Variants in IL1RAPL2 observed in about 807,000 individuals in gnomAD.
IL1RAPL2 encodes the protein X-linked interleukin-1 receptor accessory protein-like 2.
A neutral mutation model predicts 44.1 loss-of-function variants in IL1RAPL2; 3 were observed. The ratio of observed to expected loss-of-function variants is 0.07; its 90% CI spans 0.03 to 0.18. IL1RAPL2 has a LOEUF of 0.18. Among genes scored for constraint, IL1RAPL2 ranks in the 10% least tolerant of loss-of-function variants. The pLI is 1.00. For synonymous variants in IL1RAPL2, 181 were observed against 178.8 expected (o/e 1.01, Z -0.10); for missense variants, 391 against 496.4 (o/e 0.79, Z 2.02).
At chrX:105,322,575 A>G (rs1410491302) in intron 5 of IL1RAPL2, among the ~76,000 whole-genome samples, 1 of 111,840 alleles carries the variant, frequency 8.9e-6, no homozygotes, top group African/African-American at 3.3e-5. Context: ...GGATGCTCTC[A>G]TGTCCCAGTT....
intron 6 of IL1RAPL2, among the ~76,000 whole-genome samples, chrX:105,616,573 A>G (rs1429731513): frequency 3.6e-5 from 4 of 111,183 alleles, no homozygotes; most frequent in Admixed American, 1.9e-4. Context: ...AGGCATCCCT[A>G]TATCTTCTTT....
chrX:105,507,173 G>A (rs2036436453), intron 6 of IL1RAPL2, among the ~76,000 whole-genome samples: 1 of 111,484 alleles, frequency 9.0e-6, no homozygotes, highest in South Asian at 3.7e-4. Flanking sequence ...TTCATGTTGT[G>A]CCATTTTATG....
intron 2 of IL1RAPL2, among the ~76,000 whole-genome samples, chrX:104,948,596 A>G (rs1304333013): frequency 5.4e-5 from 6 of 110,671 alleles, no homozygotes; most frequent in Admixed American, 1.9e-4. Flanking sequence ...CGTCCCATCA[A>G]TACCTAATTT....
intron 2 of IL1RAPL2, among the ~76,000 whole-genome samples, chrX:105,096,225 T>C (rs772661041): frequency 8.9e-6 from 1 of 111,896 alleles, no homozygotes; most frequent in African/African-American, 3.2e-5. Flanking sequence ...CCCTCATGCA[T>C]TGCTGATGGG....
At chrX:105,436,110 C>A (rs2035880728) in intron 5 of IL1RAPL2, among the ~76,000 whole-genome samples, 1 of 111,373 alleles carries the variant, frequency 9.0e-6, no homozygotes, top group Non-Finnish European at 1.9e-5. Flanking sequence ...ATGGATGAAT[C>A]TCAAATGCAC....
chrX:104,826,841 A>G (rs1921462940), intron 2 of IL1RAPL2, among the ~76,000 whole-genome samples: 1 of 106,762 alleles, frequency 9.4e-6, no homozygotes, highest in African/African-American at 3.5e-5. Context: ...TTCTTGTTGC[A>G]TTGATCCCTT....
intron 1 of IL1RAPL2, among the ~76,000 whole-genome samples, chrX:104,626,962 G>A (rs1929519312): frequency 9.2e-6 from 1 of 108,958 alleles, no homozygotes; most frequent in South Asian, 4.2e-4. Flanking sequence ...GAGACTACAG[G>A]CACGCACCAA....
intron 2 of IL1RAPL2, among the ~76,000 whole-genome samples, chrX:104,918,592 C>T (rs1001582276): frequency 5.4e-5 from 6 of 112,141 alleles, no homozygotes; most frequent in Non-Finnish European, 9.4e-5. Context: ...AACCTATGGT[C>T]TTAACTTCTG....
intron 2 of IL1RAPL2, among the ~76,000 whole-genome samples, chrX:105,061,095 G>A (rs1332538525): frequency 9.0e-6 from 1 of 110,560 alleles, no homozygotes; most frequent in Non-Finnish European, 1.9e-5. Flanking sequence ...GGCTTGGTTT[G>A]CTCTTGCTTT....
intron 2 of IL1RAPL2, among the ~76,000 whole-genome samples, chrX:105,168,796 A>G (rs1288278611): frequency 9.1e-6 from 1 of 109,453 alleles, no homozygotes; most frequent in Non-Finnish European, 1.9e-5. Context: ...GCTCACCCAC[A>G]GTGGGGAGGT....
At chrX:104,986,863 G>C (rs2030570643) in intron 2 of IL1RAPL2, among the ~76,000 whole-genome samples, 1 of 111,966 alleles carries the variant, frequency 8.9e-6, no homozygotes, top group African/African-American at 3.2e-5. Flanking sequence ...TTTAAGTCCT[G>C]TCCTGATTTC....
chrX:104,871,053 TAAAGAA>T (rs998208858), intron 2 of IL1RAPL2, among the ~76,000 whole-genome samples: 81 of 110,992 alleles, frequency 7.3e-4, no homozygotes, highest in African/African-American at 2.5e-3. Context: ...GACAAACATA[TAAAGAA>T]AAAGTCAAAT....
intron 2 of IL1RAPL2, among the ~76,000 whole-genome samples, chrX:105,116,441 G>A (rs1015340490): frequency 1.1e-4 from 12 of 112,768 alleles, no homozygotes; most frequent in Admixed American, 2.8e-4. Context: ...TCATGATCCA[G>A]TTGTATAAAT....
intron 2 of IL1RAPL2, among the ~76,000 whole-genome samples, chrX:105,066,981 G>C (rs1242711448): frequency 3.6e-5 from 4 of 111,496 alleles, no homozygotes; most frequent in Non-Finnish European, 7.5e-5. Flanking sequence ...AGATTGGTTG[G>C]AACTGGTGAA....
chrX:105,054,431 T>C (rs967188453), intron 2 of IL1RAPL2, among the ~76,000 whole-genome samples: 1 of 111,673 alleles, frequency 9.0e-6, no homozygotes, highest in Non-Finnish European at 1.9e-5. Context: ...TAACCACATA[T>C]GTCTGTTTAC....
chrX:105,219,687 G>T, intron 3 of IL1RAPL2: 1 of 1,209,810 alleles, frequency 8.3e-7, no homozygotes. Context: ...CTCCTTCTGT[G>T]CAAACCCCTC....
intron 1 of IL1RAPL2, among the ~76,000 whole-genome samples, chrX:104,609,515 T>C (rs183671904): frequency 2.0e-3 from 227 of 112,534 alleles, no homozygotes; most frequent in Non-Finnish European, 3.4e-3. Context: ...TCTCTTCACA[T>C]AGTCCCATAT....
chrX:105,345,179 A>C (rs999463437), intron 5 of IL1RAPL2, among the ~76,000 whole-genome samples: 5 of 111,866 alleles, frequency 4.5e-5, no homozygotes, highest in Admixed American at 3.8e-4. Flanking sequence ...TAATCTATAA[A>C]TTCTTGAATA....
intron 2 of IL1RAPL2, among the ~76,000 whole-genome samples, chrX:105,031,399 C>T (rs189608037): frequency 0.036 from 4,033 of 110,625 alleles, 222 homozygotes; most frequent in African/African-American, 0.13. Context: ...ATAGCTCTTA[C>T]TATTTTGAGA....
Sources: gnomAD v4.1 joint callset for allele counts (sites outside exome capture counted in the v4.1 genomes callset) on GRCh38, gnomAD v4.1.1 for gene constraint, MANE v1.5 for transcripts, NCBI Gene and HGNC (gene_info 2026-07-23, HGNC 2026-07-21) for gene names.